Variants in TRIO observed in about 807,000 individuals in gnomAD.
The protein encoded by TRIO is trio Rho guanine nucleotide exchange factor.
A neutral mutation model predicts 351.9 loss-of-function variants in TRIO; 58 were observed. That is an observed-to-expected ratio of 0.16 (90% CI 0.13 to 0.21). The LOEUF (loss-of-function observed/expected upper bound fraction) is 0.21. Ranked by LOEUF, TRIO falls within the 10% of genes least tolerant of loss-of-function variation. The pLI is 1.00. For missense variants in TRIO, 3,201 were observed against 4,027.8 expected (o/e 0.79, Z 5.56); for synonymous variants, 1,758 against 1,595.7 (o/e 1.10, Z -2.42).
chr5:14,426,871 TG>T (rs534167172), intron 34 of TRIO, among the ~76,000 whole-genome samples: 29 of 152,200 alleles, frequency 1.9e-4, no homozygotes, highest in Non-Finnish European at 4.0e-4. Flanking sequence ...GGGTTTTTTT[TG>T]TTTGTTTCGT....
chr5:14,212,461 C>G (rs1791969535), intron 1 of TRIO, among the ~76,000 whole-genome samples: 2 of 152,206 alleles, frequency 1.3e-5, no homozygotes, highest in South Asian at 4.1e-4. Flanking sequence ...CACATACCTG[C>G]TCAAACGTGC....
Position 14,461,268 on chromosome 5 carries a change from C to A in TRIO, c.5453C>A (p.Ser1818Tyr), listed in dbSNP as rs1753783186. The A allele has an allele frequency of 6.3e-7, 1 of 1,596,476 alleles. No individual in the cohort carries two copies. The highest frequency in any genetic ancestry group is 8.5e-7 in the Non-Finnish European group (1 of 1,172,974). The change falls in exon 35 of 57, where the codon TCC (serine) becomes TAC (tyrosine). Residue 1818 changes from serine to tyrosine, a missense_variant. Coordinates refer to ENST00000344204, the MANE Select transcript of TRIO (RefSeq NM_007118.4). ...GCCGACGCCGGCTCGCAGAAGGACT[C>A]CGACGACAGTGCGGCCACCCCGCAG... ...KSADAGSQKD[S>Y]DDSAATPQDE...
chr5:14,240,360 G>T (rs779600014), intron 1 of TRIO, among the ~76,000 whole-genome samples: 1 of 152,058 alleles, frequency 6.6e-6, no homozygotes, highest in Non-Finnish European at 1.5e-5. Flanking sequence ...AAGAAAAGGG[G>T]GTTCTCAGTG....
chr5:14,214,618 C>A (rs1406751811), intron 1 of TRIO, among the ~76,000 whole-genome samples: 3 of 152,198 alleles, frequency 2.0e-5, no homozygotes, highest in African/African-American at 7.2e-5. Context: ...TTTGAAAGAA[C>A]ATAGCAGAAT....
At chr5:14,358,908 G>A (rs147501942) in intron 12 of TRIO, among the ~76,000 whole-genome samples, 1 of 152,316 alleles carries the variant, frequency 6.6e-6, no homozygotes, top group Non-Finnish European at 1.5e-5. Context: ...TCAAATCGTT[G>A]ACTGATAACT....
At chr5:14,397,867 C>T (rs561343986) in intron 29 of TRIO, among the ~76,000 whole-genome samples, 1 of 152,218 alleles carries the variant, frequency 6.6e-6, no homozygotes, top group South Asian at 2.1e-4. Flanking sequence ...GGTATGGCCG[C>T]CCTTCATGAT....
chr5:14,210,238 C>A (rs1199504153), intron 1 of TRIO, among the ~76,000 whole-genome samples: 2 of 152,172 alleles, frequency 1.3e-5, no homozygotes, highest in African/African-American at 4.8e-5. Context: ...GAAATTAAAC[C>A]ACTGGTTACT....
chr5:14,273,806 C>A (rs1735250770), intron 2 of TRIO, among the ~76,000 whole-genome samples: 1 of 152,158 alleles, frequency 6.6e-6, no homozygotes, highest in Non-Finnish European at 1.5e-5. Flanking sequence ...GGGTTTGAGC[C>A]TTAGAAAATC....
chr5:14,462,716 G>A (rs1003370890), intron 35 of TRIO, 39 bp from the exon 36 acceptor site: 4 of 1,611,786 alleles, frequency 2.5e-6, no homozygotes, highest in Non-Finnish European at 3.4e-6. Flanking sequence ...TCTGTGAACT[G>A]GCCTGGAATA....
chr5:14,440,380 A>AC (rs1751929161), intron 34 of TRIO, among the ~76,000 whole-genome samples: 1 of 152,204 alleles, frequency 6.6e-6, no homozygotes, highest in African/African-American at 2.4e-5. Context: ...TGGAAGTCAG[A>AC]CCCGACAGTT....
At chr5:14,233,347 C>A (rs970294097) in intron 1 of TRIO, among the ~76,000 whole-genome samples, 21 of 146,740 alleles carry the variant, frequency 1.4e-4, no homozygotes, top group African/African-American at 5.2e-4. Context: ...AAAATTAGCC[C>A]GGTGTGGTGG....
At chr5:14,172,599 G>C (rs905108615) in intron 1 of TRIO, among the ~76,000 whole-genome samples, 1 of 151,636 alleles carries the variant, frequency 6.6e-6, no homozygotes, top group Admixed American at 6.6e-5. Flanking sequence ...ACAATAACAG[G>C]GGGGATGATA....
chr5:14,207,432 GC>G (rs1791589352), intron 1 of TRIO, among the ~76,000 whole-genome samples: 14 of 19,484 alleles, frequency 7.2e-4, no homozygotes, highest in East Asian at 2.2e-3. Context: ...ACACACACAC[GC>G]AGCCAGGTAG....
intron 9 of TRIO, among the ~76,000 whole-genome samples, chr5:14,318,882 TTA>T (rs1206583114): frequency 6.6e-6 from 1 of 152,220 alleles, no homozygotes; most frequent in East Asian, 1.9e-4. Context: ...GGGGGCCTCA[TTA>T]ACTCTTCCGA....
intron 10 of TRIO, among the ~76,000 whole-genome samples, chr5:14,332,013 T>C (rs1179215083): frequency 1.3e-5 from 2 of 152,210 alleles, no homozygotes; most frequent in Non-Finnish European, 2.9e-5. Context: ...TTAAAAGTTA[T>C]GATTAAAACA....
rs567783973 is a variant in TRIO, at chr5:14,504,529, C to A, written c.8548C>A (p.Pro2850Thr). The A allele has an allele frequency of 3.5e-5, 57 of 1,614,138 alleles. 1 individual carries two copies. The South Asian group carries it at 5.2e-4, about 15-fold the overall frequency. The change falls in exon 55 of 57, where the codon CCC (proline) becomes ACC (threonine). Residue 2850 changes from proline (P) to threonine (T), a missense_variant. Pro to Thr is a conservative substitution (Grantham distance 38). Coordinates refer to ENST00000344204, the MANE Select transcript of TRIO (RefSeq NM_007118.4). ...ELGILQSLQH[P>T]LLVGLLDTFE... The stretch of plus-strand genomic sequence containing the variant: ...TGGCATCCTGCAGAGCCTCCAGCAC[C>A]CCCTGCTTGTCGGCCTCCTCGACAC...
chr5:14,226,187 G>C (rs574835295), intron 1 of TRIO, among the ~76,000 whole-genome samples: 57 of 152,290 alleles, frequency 3.7e-4, no homozygotes, highest in African/African-American at 1.3e-3. Context: ...GTCTTCATGG[G>C]ACCAGCATGG....
chr5:14,410,614 T>G (rs1244073637), intron 33 of TRIO, among the ~76,000 whole-genome samples: 1 of 152,226 alleles, frequency 6.6e-6, no homozygotes, highest in East Asian at 1.9e-4. Flanking sequence ...TTATGATGTC[T>G]GTTATTAGTT....
At chr5:14,436,647 A>G (rs1751611977) in intron 34 of TRIO, among the ~76,000 whole-genome samples, 1 of 152,236 alleles carries the variant, frequency 6.6e-6, no homozygotes, top group African/African-American at 2.4e-5. Context: ...GGGGGTATAG[A>G]TATTGGGTAA....
Sources: allele counts gnomAD v4.1 joint callset (sites outside exome capture counted in the v4.1 genomes callset), GRCh38; gene constraint gnomAD v4.1.1; transcripts MANE v1.5; gene names NCBI Gene and HGNC (gene_info 2026-07-23, HGNC 2026-07-21).